Variants in FGGY observed in about 807,000 individuals in gnomAD.
The protein encoded by FGGY is FGGY carbohydrate kinase domain-containing protein.
A neutral mutation model predicts 71.3 loss-of-function variants in FGGY; 72 were observed. The observed-to-expected ratio is 1.01, with a 90% CI of 0.84 to 1.23. The LOEUF is 1.23. Among genes scored for constraint, FGGY ranks in the 50% most tolerant of loss-of-function variants. The pLI, the probability that FGGY is intolerant of heterozygous loss-of-function variation, is 0.00. For synonymous variants in FGGY, 251 were observed against 250.3 expected (o/e 1.00, Z -0.02); for missense variants, 668 against 682.3 (o/e 0.98, Z 0.23).
intron 7 of FGGY, among the ~76,000 whole-genome samples, chr1:59,529,937 A>G (rs1279559476): frequency 3.3e-5 from 5 of 152,310 alleles, no homozygotes; most frequent in South Asian, 2.1e-4. Flanking sequence ...AGCTCTTTCT[A>G]TTTACATAGC....
At chr1:59,697,640 C>T in intron 14 of FGGY, 2 of 1,302,738 alleles carry the variant, frequency 1.5e-6, no homozygotes, top group Non-Finnish European at 2.0e-6. Flanking sequence ...TTTGTGACTT[C>T]TTTCCAGTGG....
intron 13 of FGGY, among the ~76,000 whole-genome samples, chr1:59,672,973 C>T (rs2097396039): frequency 6.6e-6 from 1 of 152,200 alleles, no homozygotes; most frequent in African/African-American, 2.4e-5. Context: ...CCTGCTCACC[C>T]TTCAGATGCC....
At chr1:59,467,641 C>T (rs1358214827) in intron 6 of FGGY, among the ~76,000 whole-genome samples, 1 of 152,130 alleles carries the variant, frequency 6.6e-6, no homozygotes, top group South Asian at 2.1e-4. Flanking sequence ...TTTACTGCCT[C>T]TACTTCCTAT....
chr1:59,372,063 C>A (rs1413863260), intron 4 of FGGY, among the ~76,000 whole-genome samples: 4 of 152,078 alleles, frequency 2.6e-5, no homozygotes, highest in African/African-American at 7.2e-5. Context: ...AAGATCAGAG[C>A]AGAACTGAAG....
chr1:59,511,523 G>T (rs577681036), intron 6 of FGGY, among the ~76,000 whole-genome samples: 2 of 152,144 alleles, frequency 1.3e-5, no homozygotes, highest in African/African-American at 4.8e-5. Context: ...TGTCTTACGT[G>T]GTTCTCTGGG....
At chr1:59,298,532 G>C (rs2042302628) in intron 1 of FGGY, among the ~76,000 whole-genome samples, 1 of 152,172 alleles carries the variant, frequency 6.6e-6, no homozygotes, top group Non-Finnish European at 1.5e-5. Context: ...GGCTGTGTTA[G>C]TTTTTGTTGT....
chr1:59,307,844 C>G (rs1401492600), intron 1 of FGGY, among the ~76,000 whole-genome samples: 2 of 152,164 alleles, frequency 1.3e-5, no homozygotes, highest in Non-Finnish European at 2.9e-5. Flanking sequence ...CCTTTCCCTT[C>G]TCCCTTAAAA....
intron 10 of FGGY, among the ~76,000 whole-genome samples, chr1:59,634,905 T>C (rs1290239026): frequency 6.6e-6 from 1 of 152,198 alleles, no homozygotes; most frequent in African/African-American, 2.4e-5. Context: ...AAAGTCACTT[T>C]ATGATTATTG....
chr1:59,613,862 A>G (rs1572110226), intron 9 of FGGY, among the ~76,000 whole-genome samples: 1 of 152,250 alleles, frequency 6.6e-6, no homozygotes, highest in Non-Finnish European at 1.5e-5. Context: ...AGAGAATACT[A>G]TAAACACCTC....
At chr1:59,455,922 T>C (rs2091641946) in intron 5 of FGGY, among the ~76,000 whole-genome samples, 7 of 152,110 alleles carry the variant, frequency 4.6e-5, no homozygotes, top group Admixed American at 3.9e-4. Context: ...TAACTTTTTA[T>C]TGTTAGACTA....
At chr1:59,521,503 G>A (rs921546474) in intron 7 of FGGY, among the ~76,000 whole-genome samples, 6 of 152,152 alleles carry the variant, frequency 3.9e-5, no homozygotes, top group Admixed American at 6.5e-5. Context: ...TGTGCCACAC[G>A]TCAGTGTATA....
chr1:59,739,755 C>T (rs1283992680), intron 14 of FGGY, among the ~76,000 whole-genome samples: 1 of 151,888 alleles, frequency 6.6e-6, no homozygotes, highest in African/African-American at 2.4e-5. Flanking sequence ...TTATTTTTTC[C>T]CCATTGTTCT....
At chr1:59,616,696 AT>A (rs969350840) in intron 9 of FGGY, among the ~76,000 whole-genome samples, 8 of 151,988 alleles carry the variant, frequency 5.3e-5, no homozygotes, top group African/African-American at 7.2e-5. Flanking sequence ...CTTACTGAGT[AT>A]TTTTTTGTGA....
At chr1:59,703,896 G>A (rs757559024) in intron 14 of FGGY, among the ~76,000 whole-genome samples, 15 of 152,294 alleles carry the variant, frequency 9.8e-5, no homozygotes, top group Middle Eastern at 3.4e-3. Flanking sequence ...TCCAATGTGC[G>A]CCCATTGGAC....
intron 9 of FGGY, among the ~76,000 whole-genome samples, chr1:59,613,241 G>A (rs1346647963): frequency 6.6e-6 from 1 of 152,162 alleles, no homozygotes; most frequent in Non-Finnish European, 1.5e-5. Context: ...TGACCACATA[G>A]TTGGAAGTAA....
intron 6 of FGGY, among the ~76,000 whole-genome samples, chr1:59,473,026 G>A (rs1351688361): frequency 6.6e-6 from 1 of 152,196 alleles, no homozygotes; most frequent in Non-Finnish European, 1.5e-5. Context: ...TCAGCAGGTT[G>A]TGGGTGGGGC....
chr1:59,371,160 C>G (rs1190457359), intron 4 of FGGY, among the ~76,000 whole-genome samples: 8 of 152,076 alleles, frequency 5.3e-5, no homozygotes, highest in African/African-American at 1.9e-4. Context: ...TTCAGGAAAC[C>G]CATCTCACAT....
chr1:59,663,228 A>G (rs920124600), intron 12 of FGGY, among the ~76,000 whole-genome samples: 1 of 152,220 alleles, frequency 6.6e-6, no homozygotes, highest in African/African-American at 2.4e-5. Context: ...TGCCGAGGTC[A>G]AACAGCTAGA....
At chr1:59,647,688 T>C (rs1350034389) in intron 11 of FGGY, among the ~76,000 whole-genome samples, 2 of 151,776 alleles carry the variant, frequency 1.3e-5, no homozygotes, top group Admixed American at 1.3e-4. Flanking sequence ...CAGTGATCCT[T>C]CTCAGCTTTC....
Sources: gnomAD v4.1 joint callset for allele counts (sites outside exome capture counted in the v4.1 genomes callset) on GRCh38, gnomAD v4.1.1 for gene constraint, MANE v1.5 for transcripts, NCBI Gene and HGNC (gene_info 2026-07-23, HGNC 2026-07-21) for gene names.